The following TMPRSS11D variants were observed in gnomAD, a reference collection of about 807,000 sequenced individuals.
The protein encoded by TMPRSS11D is transmembrane protease serine 11D.
Under a neutral mutation model 44.4 loss-of-function variants are expected in TMPRSS11D, and 32 were observed. The observed-to-expected ratio is 0.72, with a 90% CI of 0.54 to 0.97. The LOEUF (loss-of-function observed/expected upper bound fraction) is 0.97, where lower values mean the gene tolerates loss of function less well. Among genes scored for constraint, TMPRSS11D ranks in the 50% least tolerant of loss-of-function variants. TMPRSS11D has a pLI of 0.00. For synonymous variants in TMPRSS11D, 179 were observed against 177.9 expected, an observed-to-expected ratio of 1.01 and a Z score of -0.05; for missense variants, 446 against 502.6, an observed-to-expected ratio of 0.89 and a Z score of 1.08.
intron 9 of TMPRSS11D, 79 bp from the exon 10 acceptor site, chr4:67,822,577 C>A: frequency 2.0e-6 from 3 of 1,470,634 alleles, no homozygotes; most frequent in Non-Finnish European, 1.9e-6. Context: ...CTATGGCAGT[C>A]GAGGAAGGAG....
At chr4:67,847,755 C>A (rs1016041000) in intron 3 of TMPRSS11D, among the ~76,000 whole-genome samples, 1 of 151,990 alleles carries the variant, frequency 6.6e-6, no homozygotes, top group Non-Finnish European at 1.5e-5. Context: ...TTTTCTGTGT[C>A]TTAAGAAAAG....
chr4:67,824,295 G>A (rs1717732965), intron 9 of TMPRSS11D, among the ~76,000 whole-genome samples: 2 of 151,802 alleles, frequency 1.3e-5, no homozygotes, highest in Non-Finnish European at 2.9e-5. Context: ...AAGGACAGAA[G>A]GTAAGGGACG....
At position 67,827,447 on chromosome 4, in the gene TMPRSS11D, T is replaced by C. The variant is rs533624083; in HGVS notation, c.766A>G (p.Arg256Gly). The change falls in exon 8 of 10, where the codon AGA (arginine) becomes GGA (glycine). Residue 256 changes from arginine (R) to glycine (G), a missense_variant. Coordinates refer to ENST00000283916, the MANE Select transcript of TMPRSS11D (RefSeq NM_004262.3). ...TTFPKLRMRV[R>G]NILIHNNYKS... ...TAATTGTTATGAATTAAAATATTTC[T>C]TACTCTCATTCTTAGTTTAGGAAAT... is the stretch of plus-strand genomic sequence containing the variant. The C allele has an allele frequency of 6.2e-7, 1 of 1,612,730 alleles. No individual in the cohort carries two copies. Among genetic ancestry groups the C allele is most frequent in the South Asian group, 1.1e-5 (1 of 90,972 alleles).
intron 1 of TMPRSS11D, among the ~76,000 whole-genome samples, chr4:67,866,968 A>G (rs1231378972): frequency 6.6e-6 from 1 of 151,858 alleles, no homozygotes; most frequent in Non-Finnish European, 1.5e-5. Context: ...TTTTCACAGA[A>G]TTAGAAAAAA....
At chr4:67,867,553 G>A (rs986137675) in intron 1 of TMPRSS11D, among the ~76,000 whole-genome samples, 5 of 152,060 alleles carry the variant, frequency 3.3e-5, no homozygotes, top group African/African-American at 1.2e-4. Context: ...ACCTGAAAAT[G>A]GGAGAAAATA....
intron 2 of TMPRSS11D, among the ~76,000 whole-genome samples, 180 bp from the exon 3 acceptor site, chr4:67,854,366 A>T (rs971386912): frequency 2.6e-5 from 4 of 152,208 alleles, no homozygotes; most frequent in Non-Finnish European, 5.9e-5. Context: ...TTTTAAAAAG[A>T]TTGGCAAAGC....
chr4:67,838,590 T>A (rs1182426689), intron 4 of TMPRSS11D, among the ~76,000 whole-genome samples: 1 of 152,082 alleles, frequency 6.6e-6, no homozygotes, highest in East Asian at 1.9e-4. Flanking sequence ...CTGTGTAACT[T>A]TGGATAAGTT....
At chr4:67,851,314 C>CTGGGGAT (rs1367095039) in intron 3 of TMPRSS11D, among the ~76,000 whole-genome samples, 10 of 152,176 alleles carry the variant, frequency 6.6e-5, no homozygotes, top group African/African-American at 2.4e-4. Context: ...AAAATATACT[C>CTGGGGAT]CCAAACAACT....
chr4:67,825,497 T>C (rs1577800905), intron 9 of TMPRSS11D, among the ~76,000 whole-genome samples: 1 of 152,234 alleles, frequency 6.6e-6, no homozygotes, highest in South Asian at 2.1e-4. Flanking sequence ...GTCTTTCTGA[T>C]TCTTGAGCTT....
intron 7 of TMPRSS11D, 137 bp downstream of exon 7, chr4:67,833,067 T>C: frequency 6.0e-6 from 5 of 828,972 alleles, no homozygotes; most frequent in Non-Finnish European, 8.2e-6. Context: ...TTTCCTTTCA[T>C]GAATAGGAAG....
chr4:67,879,363 C>T (rs1719267238), intron 1 of TMPRSS11D, among the ~76,000 whole-genome samples: 2 of 151,722 alleles, frequency 1.3e-5, no homozygotes, highest in Non-Finnish European at 2.9e-5. Flanking sequence ...CGCCTGTAGA[C>T]CCAGCTACTC....
rs756704982 is a variant in TMPRSS11D at position 67,842,621 on chromosome 4, G to A, written c.254C>T (p.Thr85Ile). The A allele has an allele frequency of 6.2e-7, 1 of 1,606,888 alleles. No homozygotes were observed. The highest frequency in any genetic ancestry group is 2.2e-5 in the East Asian group (1 of 44,694). The change falls in exon 4 of 10, where the codon ACT (threonine) becomes ATT (isoleucine). Residue 85 changes from threonine to isoleucine, a missense_variant. Coordinates refer to ENST00000283916, the MANE Select transcript of TMPRSS11D (RefSeq NM_004262.3). ...TAAATTTGATTCTTTGAATGTTTTAGTAATCTGTAGAAAGAAAGAGAGGGG... is the reference window on the plus strand; with the variant it reads ...TAAATTTGATTCTTTGAATGTTTTAATAATCTGTAGAAAGAAAGAGAGGGG... ...TLSGRIESLI[T>I]KTFKESNLRN...
rs528745462 is a variant in TMPRSS11D at position 67,825,806 on chromosome 4, G to A, written c.1021C>T (p.His341Tyr). ...GACAAGATGGCTCCATTATAACTAT[G>A]TGGTGCATTACATACATCATTACTT... is the stretch of plus-strand genomic sequence containing the variant. Reference protein sequence around the residue: ...IISNDVCNAPHSYNGAILSGM... With the variant: ...IISNDVCNAPYSYNGAILSGM... Residue 341 changes from histidine (H) to tyrosine (Y), a missense_variant, in exon 9 of 10, where the codon CAT becomes TAT. Transcript: ENST00000283916. 12 of 1,613,222 alleles carry A rather than the reference G, an allele frequency of 7.4e-6. No homozygotes were observed. The East Asian group carries it at 2.7e-4, about 36-fold the overall frequency.
rs115859048 is a variant in TMPRSS11D, at chr4:67,864,464, C to G, written c.9-4786G>C. Among the ~76,000 whole-genome samples, 1,144 of 152,008 alleles carry G rather than the reference C, an allele frequency of 7.5e-3. 20 individuals carry two copies. Among genetic ancestry groups the G allele is most frequent in the African/African-American group, 0.026 (1,094 of 41,494 alleles). On this transcript the variant is annotated intron_variant, in intron 1 of 9. Coordinates refer to ENST00000283916, the MANE Select transcript of TMPRSS11D (RefSeq NM_004262.3). ...TAAAAATACATGAAAGTATAAAACT[C>G]ACTTGTCTTATAAAACAAAGAAATG...
intron 1 of TMPRSS11D, among the ~76,000 whole-genome samples, chr4:67,877,801 C>G (rs1719229845): frequency 3.3e-5 from 5 of 152,156 alleles, no homozygotes; most frequent in African/African-American, 1.2e-4. Flanking sequence ...CAAGTCCCAC[C>G]ACTTTATCCA....
chr4:67,848,266 C>A (rs1718405997), intron 3 of TMPRSS11D, among the ~76,000 whole-genome samples: 1 of 152,124 alleles, frequency 6.6e-6, no homozygotes, highest in Non-Finnish European at 1.5e-5. Flanking sequence ...TGATTGAAGT[C>A]TTTTGTTTTA....
At chr4:67,869,343 A>G (rs1343152150) in intron 1 of TMPRSS11D, among the ~76,000 whole-genome samples, 6 of 152,190 alleles carry the variant, frequency 3.9e-5, no homozygotes, top group African/African-American at 1.2e-4. Flanking sequence ...TGAATTTGAT[A>G]TAATAAAGAA....
At chr4:67,857,322 TACACACACAC>T (rs140893348) in intron 2 of TMPRSS11D, among the ~76,000 whole-genome samples, 346 of 3,104 alleles carry the variant, frequency 0.11, 4 homozygotes, top group African/African-American at 0.12. Flanking sequence ...TATATATATA[TACACACACAC>T]ACACACACAC....
intron 3 of TMPRSS11D, among the ~76,000 whole-genome samples, chr4:67,845,567 T>A (rs186011820): frequency 2.4e-4 from 37 of 152,294 alleles, no homozygotes; most frequent in Admixed American, 1.2e-3. Flanking sequence ...TTACATTCAA[T>A]CTTTTAGCCT....
Sources: gnomAD v4.1 joint callset for allele counts (sites outside exome capture counted in the v4.1 genomes callset) on GRCh38, gnomAD v4.1.1 for gene constraint, MANE v1.5 for transcripts, NCBI Gene and HGNC (gene_info 2026-07-23, HGNC 2026-07-21) for gene names.